MORC1: variants seen among roughly 807,000 people sequenced by gnomAD.
MORC1 encodes the protein MORC family CW-type zinc finger 1.
In MORC1, 59 loss-of-function variants were observed where a neutral mutation model predicts 134.9. The observed-to-expected ratio is 0.44, with a 90% CI of 0.35 to 0.54. The LOEUF is 0.54. Ranked by LOEUF, MORC1 falls within the 20% of genes least tolerant of loss-of-function variation. MORC1 has a pLI of 0.00. For missense variants in MORC1, 947 were observed against 1,134.5 expected, an observed-to-expected ratio of 0.83 and a Z score of 2.37; for synonymous variants, 395 against 391.7, an observed-to-expected ratio of 1.01 and a Z score of -0.10.
At position 109,118,108 on chromosome 3, in the gene MORC1, G is replaced by T; in HGVS notation, c.-49C>A. 1 of 1,572,896 alleles carries T rather than the reference G, an allele frequency of 6.4e-7. No homozygotes were observed. The highest frequency in any genetic ancestry group is 2.3e-5 in the East Asian group (1 of 42,844). Reference sequence around the variant, plus strand: ...CTCAAGGGGACAAGGACACCTGACCGGCAGCCGTTCGCCTGCGCCCGCGCC... The same window carrying T: ...CTCAAGGGGACAAGGACACCTGACCTGCAGCCGTTCGCCTGCGCCCGCGCC... On this transcript the variant is annotated 5_prime_UTR_variant, in exon 1 of 28. Coordinates refer to ENST00000232603, the MANE Select transcript of MORC1 (RefSeq NM_014429.4).
chr3:108,975,248 A>G (rs1576584972), intron 24 of MORC1, among the ~76,000 whole-genome samples: 1 of 152,348 alleles, frequency 6.6e-6, no homozygotes, highest in East Asian at 1.9e-4. Flanking sequence ...TCCTTAACTC[A>G]GTAAAAGACT....
chr3:109,077,246 A>T (rs1056242301), intron 8 of MORC1, among the ~76,000 whole-genome samples: 3 of 152,178 alleles, frequency 2.0e-5, no homozygotes, highest in African/African-American at 7.2e-5. Flanking sequence ...ATTTCGGGAT[A>T]TAATAAAGCA....
rs114355697 is a variant in MORC1 at position 109,045,810 on chromosome 3, G to A, written c.1330+8918C>T. The stretch of plus-strand genomic sequence containing the variant: ...AACATTTCCACTTCTCCACTCTACT[G>A]TAAGCACAGTACGCTCCCCTGCAAA... On this transcript the variant is annotated intron_variant, in intron 14 of 27. Coordinates refer to ENST00000232603, the MANE Select transcript of MORC1 (RefSeq NM_014429.4). Among the ~76,000 whole-genome samples, 483 of 152,184 alleles carry A rather than the reference G, an allele frequency of 3.2e-3. 1 individual carries two copies. The highest frequency in any genetic ancestry group is 0.017 in the Middle Eastern group (5 of 294).
At chr3:109,023,039 A>T (rs73850697) in intron 17 of MORC1, among the ~76,000 whole-genome samples, 1 of 145,538 alleles carries the variant, frequency 6.9e-6, no homozygotes, top group Non-Finnish European at 1.5e-5. Flanking sequence ...TAAATGAAAG[A>T]TACTTTTCTA....
intron 17 of MORC1, among the ~76,000 whole-genome samples, chr3:109,014,428 C>T (rs1329673482): frequency 1.3e-5 from 2 of 151,942 alleles, no homozygotes; most frequent in African/African-American, 4.9e-5. Flanking sequence ...ATAGCCAAAA[C>T]AGTACCACAA....
At chr3:109,063,510 T>G (rs1045823619) in intron 9 of MORC1, among the ~76,000 whole-genome samples, 6 of 152,118 alleles carry the variant, frequency 3.9e-5, no homozygotes, top group Non-Finnish European at 8.8e-5. Flanking sequence ...AATAGGATAA[T>G]TTTCTTTAAA....
intron 21 of MORC1, among the ~76,000 whole-genome samples, chr3:108,999,081 G>C (rs1948320639): frequency 6.6e-6 from 1 of 152,170 alleles, no homozygotes; most frequent in African/African-American, 2.4e-5. Flanking sequence ...GCTTTGAAGA[G>C]GTCAAGAGAG....
At chr3:109,110,278 A>C (rs1951133888) in intron 3 of MORC1, 1 of 154,500 alleles carries the variant, frequency 6.5e-6, no homozygotes, top group Admixed American at 6.5e-5. Context: ...TCATAGTCTA[A>C]TGAGATAACT....
At position 109,117,694 on chromosome 3, in the gene MORC1, T is replaced by G. The variant is rs550041241; in HGVS notation, c.65+301A>C. Among the ~76,000 whole-genome samples, 6 of 152,304 alleles carry G rather than the reference T, an allele frequency of 3.9e-5. No individual in the cohort carries two copies. In the East Asian group the frequency reaches 1.2e-3, roughly 29 times the overall value. ...GTCAGTGTGTTAGGCAGACTAAGGT[T>G]AGGCAGGATTGGTAGAATCACAGTT... is the stretch of plus-strand genomic sequence containing the variant. On this transcript the variant is annotated intron_variant, in intron 1 of 27. Transcript: ENST00000232603.
In MORC1 at chr3:109,005,190, A is replaced by G. The variant is rs1948508005; in HGVS notation, c.1893T>C (p.Asp631=). The change falls in exon 19 of 28, where the codon GAT becomes GAC. Residue 631 remains aspartate (D), a synonymous_variant. Coordinates refer to ENST00000232603, the MANE Select transcript of MORC1 (RefSeq NM_014429.4). ...TTTTTGTTTCTGAAATATACTCTAC[A>G]TCAGAGTCTGTCTCTTCTATGTTTC... ...QKRNIEETDS[D]VEYISETKIM... 2 of 1,613,868 alleles carry G rather than the reference A, an allele frequency of 1.2e-6. No homozygotes were observed. The highest frequency in any genetic ancestry group is 1.7e-6 in the Non-Finnish European group (2 of 1,179,976).
chr3:109,007,939 A>ATGTGTGTGTGTG (rs1316078685), intron 17 of MORC1, among the ~76,000 whole-genome samples: 1 of 136,846 alleles, frequency 7.3e-6, no homozygotes, highest in South Asian at 2.3e-4. Context: ...AAGCACATAT[A>ATGTGTGTGTGTG]TATGTGTGTG....
At chr3:108,990,775 T>TA (rs71299341) in intron 21 of MORC1, among the ~76,000 whole-genome samples, 8,500 of 151,134 alleles carry the variant, frequency 0.056, 539 homozygotes, top group African/African-American at 0.16. Context: ...TAAAAGAAAG[T>TA]AAAAAAAAAT....
chr3:109,048,720 G>T (rs1949751915), intron 14 of MORC1, among the ~76,000 whole-genome samples: 1 of 152,006 alleles, frequency 6.6e-6, no homozygotes, highest in Non-Finnish European at 1.5e-5. Flanking sequence ...TTCTCCCTGT[G>T]TCCTCACATG....
At chr3:108,997,676 T>C (rs544682418) in intron 21 of MORC1, among the ~76,000 whole-genome samples, 1 of 152,136 alleles carries the variant, frequency 6.6e-6, no homozygotes, top group East Asian at 1.9e-4. Flanking sequence ...AGCAGTGAGG[T>C]AATTTTGGAG....
chr3:108,963,861 G>A (rs1440256240), intron 26 of MORC1, among the ~76,000 whole-genome samples: 3 of 152,220 alleles, frequency 2.0e-5, no homozygotes, highest in Non-Finnish European at 4.4e-5. Context: ...ATGACAGTGA[G>A]CTTGGAGACC....
chr3:109,001,601 A>C (rs1330424360), intron 20 of MORC1, among the ~76,000 whole-genome samples: 1 of 152,152 alleles, frequency 6.6e-6, no homozygotes, highest in Admixed American at 6.5e-5. Flanking sequence ...TTTGGCTTTA[A>C]TGAAATAATA....
At position 109,027,886 on chromosome 3, in the gene MORC1, A is replaced by T; in HGVS notation, c.1569T>A (p.Cys523Ter). ...TGGAAGGTAGACATTCTACCTGATG[A>T]CAACTTCAGAATCAACAAGTACAAG... Reference protein sequence around the residue: ...ANNPNRLENSCHQVECLPSIP... With the variant: ...ANNPNRLENS The change falls in exon 17 of 28, where the codon TGT becomes TGA. Residue 523 changes from cysteine to a stop codon, truncating the protein, a stop_gained. Transcript: ENST00000232603. LOFTEE classifies it high-confidence loss of function. 1 of 1,613,282 alleles carries T rather than the reference A, an allele frequency of 6.2e-7. No individual in the cohort carries two copies. The highest frequency in any genetic ancestry group is 8.5e-7 in the Non-Finnish European group (1 of 1,179,592).
chr3:109,035,545 T>C lies in MORC1; in HGVS notation c.1331-77A>G, dbSNP rs145799568. On this transcript the variant is annotated intron_variant, in intron 14 of 27. Transcript: ENST00000232603. ...AAAACAATTGGCAAAGGGAAGTTTGTATATACAATATGATCTCAACTGTGT... is the reference window on the plus strand; with the variant it reads ...AAAACAATTGGCAAAGGGAAGTTTGCATATACAATATGATCTCAACTGTGT... 1.8e-3 allele frequency: 1,528 copies of C among 864,694 alleles called. 23 individuals are homozygous for C. The African/African-American group carries it at 0.024, about 14-fold the overall frequency. 53.6% of individuals were successfully genotyped at this position (864,694 alleles called of 1,614,324 possible).
intron 10 of MORC1, among the ~76,000 whole-genome samples, chr3:109,062,892 A>G (rs1481536818): frequency 6.6e-6 from 1 of 152,266 alleles, no homozygotes; most frequent in African/African-American, 2.4e-5. Context: ...GCCCAGACAG[A>G]CAAACAAGGT....
Sources: gnomAD v4.1 joint callset for allele counts (sites outside exome capture counted in the v4.1 genomes callset) on GRCh38, gnomAD v4.1.1 for gene constraint, MANE v1.5 for transcripts, NCBI Gene and HGNC (gene_info 2026-07-23, HGNC 2026-07-21) for gene names.